The following UNC13C variants were observed in gnomAD, a reference collection of about 807,000 sequenced individuals.
The protein encoded by UNC13C is protein unc-13 homolog C.
A neutral mutation model predicts 245.4 loss-of-function variants in UNC13C; 174 were observed. That is an observed-to-expected ratio of 0.71 (90% confidence interval 0.63 to 0.80). The LOEUF (loss-of-function observed/expected upper bound fraction) is 0.80. UNC13C is among the 30% of genes least tolerant of loss of function. UNC13C has a pLI of 0.00. For synonymous variants in UNC13C, 992 were observed against 895.1 expected, an observed-to-expected ratio of 1.11 and a Z score of -1.93; for missense variants, 2,829 against 2,602.9, an observed-to-expected ratio of 1.09 and a Z score of -1.89.
At chr15:54,507,284 C>A (rs748031482) in intron 23 of UNC13C, 90 bp downstream of exon 23, 2 of 817,864 alleles carry the variant, frequency 2.4e-6, no homozygotes, top group Middle Eastern at 2.8e-4. Context: ...TGTTGACTTT[C>A]AGTTTTCACA....
At chr15:54,342,359 T>C (rs1394943893) in intron 17 of UNC13C, among the ~76,000 whole-genome samples, 1 of 152,198 alleles carries the variant, frequency 6.6e-6, no homozygotes, top group Admixed American at 6.5e-5. Context: ...AAATGTAGTC[T>C]AGCTTGGGCA....
chr15:53,936,360 C>G, the UNC13C span, among the ~76,000 whole-genome samples: 1 of 152,292 alleles, frequency 6.6e-6, no homozygotes, highest in South Asian at 2.1e-4. Flanking sequence ...GTTATACAAA[C>G]AGATCTCTGA....
At position 54,009,405 on chromosome 15, in the gene UNC13C, A is replaced by G. The variant is rs192383627; in HGVS notation, c.-256-3243A>G. Among the ~76,000 whole-genome samples, 194 of 152,286 alleles carry G rather than the reference A, an allele frequency of 1.3e-3. 2 individuals are homozygous for G. The highest frequency in any genetic ancestry group is 4.4e-3 in the African/African-American group (183 of 41,552). The stretch of plus-strand genomic sequence containing the variant: ...TAATTAATATTTACTGGGCTTTGCT[A>G]TCTTCTAGACATTGCTCCAAAAATT... On this transcript the variant is annotated intron_variant, in intron 1 of 32. Transcript: ENST00000260323.
At chr15:54,309,798 T>C (rs2140960666) in intron 13 of UNC13C, among the ~76,000 whole-genome samples, 1 of 152,030 alleles carries the variant, frequency 6.6e-6, no homozygotes, top group African/African-American at 2.4e-5. Context: ...TGAAAATCAT[T>C]TGTCAGTAAA....
At chr15:54,289,808 A>G (rs1051356057) in intron 10 of UNC13C, among the ~76,000 whole-genome samples, 10 of 151,154 alleles carry the variant, frequency 6.6e-5, no homozygotes, top group South Asian at 2.1e-4. Context: ...CTGTTGGGGG[A>G]AAAAAAAAGC....
chr15:54,391,828 C>G (rs978078932), intron 17 of UNC13C, among the ~76,000 whole-genome samples: 1 of 152,054 alleles, frequency 6.6e-6, no homozygotes, highest in Non-Finnish European at 1.5e-5. Flanking sequence ...CACTATAGGA[C>G]TGTCTTTCAA....
At chr15:54,239,768 T>C (rs1240806621) in intron 7 of UNC13C, among the ~76,000 whole-genome samples, 1 of 152,200 alleles carries the variant, frequency 6.6e-6, no homozygotes, top group Non-Finnish European at 1.5e-5. Context: ...TATTCTTATC[T>C]GTTAGATTTA....
chr15:54,264,134 T>G, intron 8 of UNC13C, 34 bp from the exon 9 acceptor site: 3 of 1,546,142 alleles, frequency 1.9e-6, no homozygotes, highest in Non-Finnish European at 2.6e-6. Flanking sequence ...TAATGGCATT[T>G]CCATTCACAT....
chr15:54,480,280 A>G lies in UNC13C; in HGVS notation c.4934-14328A>G, dbSNP rs1017530973. Among the ~76,000 whole-genome samples, 3 of 151,450 alleles carry G rather than the reference A, an allele frequency of 2.0e-5. No individual in the cohort carries two copies. The East Asian group carries it at 5.8e-4, about 29-fold the overall frequency. On this transcript the variant is annotated intron_variant, in intron 19 of 32. Coordinates refer to ENST00000260323, the MANE Select transcript of UNC13C (RefSeq NM_001080534.3). ...TTATTATTTATTTATTATTTAAGCT[A>G]TTATATTTAATAATATAAAATGGTT...
the UNC13C span, among the ~76,000 whole-genome samples, chr15:53,849,403 T>G: frequency 6.6e-6 from 1 of 152,112 alleles, no homozygotes; most frequent in Admixed American, 6.6e-5. Flanking sequence ...ATATAAAACA[T>G]AATTTTATGG....
chr15:54,593,787 C>A (rs1898925939), intron 30 of UNC13C, among the ~76,000 whole-genome samples: 1 of 152,112 alleles, frequency 6.6e-6, no homozygotes, highest in South Asian at 2.1e-4. Flanking sequence ...TCTCTGGTCC[C>A]TCCCTGAGTA....
intron 17 of UNC13C, among the ~76,000 whole-genome samples, chr15:54,339,119 C>T (rs202088495): frequency 6.6e-6 from 1 of 152,170 alleles, no homozygotes; most frequent in Non-Finnish European, 1.5e-5. Context: ...CCGCCCGCCT[C>T]GGCCTCCCAA....
At chr15:54,357,258 TG>T (rs1418053564) in intron 17 of UNC13C, among the ~76,000 whole-genome samples, 4 of 152,054 alleles carry the variant, frequency 2.6e-5, no homozygotes, top group African/African-American at 9.7e-5. Context: ...CTTAAAGCAG[TG>T]TTTTATTATA....
chr15:54,553,420 T>TATA (rs550670940), intron 28 of UNC13C, among the ~76,000 whole-genome samples: 5,628 of 129,768 alleles, frequency 0.043, 241 homozygotes, highest in Admixed American at 0.094. Flanking sequence ...TAATATATAA[T>TATA]ATTATATATA....
chr15:54,282,932 A>C (rs1030386360), intron 10 of UNC13C, among the ~76,000 whole-genome samples: 1 of 152,170 alleles, frequency 6.6e-6, no homozygotes, highest in Non-Finnish European at 1.5e-5. Flanking sequence ...CTTTATAGGC[A>C]CAGGATGGTG....
the UNC13C span, among the ~76,000 whole-genome samples, chr15:53,869,413 C>T: frequency 2.2e-4 from 24 of 108,448 alleles, no homozygotes; most frequent in Admixed American, 3.1e-4. Context: ...TTTTACTCCA[C>T]GATGTCATGC....
At chr15:54,518,660 G>A (rs1159803362) in intron 24 of UNC13C, among the ~76,000 whole-genome samples, 1 of 152,126 alleles carries the variant, frequency 6.6e-6, no homozygotes, top group African/African-American at 2.4e-5. Context: ...ATAGTCCTCA[G>A]ACACCCTGAG....
At chr15:54,246,431 T>C (rs537545380) in intron 7 of UNC13C, among the ~76,000 whole-genome samples, 1 of 149,580 alleles carries the variant, frequency 6.7e-6, no homozygotes, top group East Asian at 2.0e-4. Context: ...TTTTTTCTAA[T>C]TGCAAGAGTA....
chr15:54,280,941 G>C (rs775498519), intron 10 of UNC13C, among the ~76,000 whole-genome samples: 1 of 151,812 alleles, frequency 6.6e-6, no homozygotes, highest in African/African-American at 2.4e-5. Flanking sequence ...GAGATTACAG[G>C]CATGTGCCAC....
Sources: gnomAD v4.1 joint callset for allele counts (sites outside exome capture counted in the v4.1 genomes callset) on GRCh38, gnomAD v4.1.1 for gene constraint, MANE v1.5 for transcripts, NCBI Gene and HGNC (gene_info 2026-07-23, HGNC 2026-07-21) for gene names.